TNXB: variants seen among roughly 807,000 people sequenced by gnomAD.
TNXB encodes the protein tenascin XB.
In TNXB, 183 loss-of-function variants were observed where a neutral mutation model predicts 340.5. The observed-to-expected ratio is 0.54, with a 90% CI of 0.48 to 0.61. TNXB has a LOEUF of 0.61. Among genes scored for constraint, TNXB ranks in the 20% least tolerant of loss-of-function variants. The probability of loss-of-function intolerance (pLI) is 0.00; values close to 1 mark genes in which losing one functional copy is unlikely to be tolerated. For missense variants in TNXB, 4,613 were observed against 5,446.4 expected, an observed-to-expected ratio of 0.85 and a Z score of 4.82; for synonymous variants, 2,121 against 2,314.5, an observed-to-expected ratio of 0.92 and a Z score of 2.40.
At position 32,049,231 on chromosome 6, in the gene TNXB, G is replaced by C; in HGVS notation, c.9757+39C>G. 6.3e-7 allele frequency: 1 copy of C among 1,586,386 alleles called. No homozygotes were observed. Among genetic ancestry groups the C allele is most frequent in the Non-Finnish European group, 8.6e-7 (1 of 1,164,122 alleles). On this transcript the variant is annotated intron_variant, in intron 28 of 43. Transcript: ENST00000644971. This position sits in a 1 kb window ranked among gnomAD's most constrained non-coding sequence, Gnocchi z 4.5. The stretch of plus-strand genomic sequence containing the variant: ...AAAGGAGAAACACAAGGGGGCTGCA[G>C]AGGTAAACCTGGGGACGAGGGCCTG...
chr6:32,067,514 T>C lies in TNXB; in HGVS notation c.6544+147A>G. The stretch of plus-strand genomic sequence containing the variant: ...ACTTCTCCTGGATTTGCTCTCTCTG[T>C]CCCCAGATCACACCTGTCCTGAGCC... On this transcript the variant is annotated intron_variant, in intron 18 of 43. Coordinates refer to ENST00000644971, the MANE Select transcript of TNXB (RefSeq NM_001365276.2). This position sits in a 1 kb window ranked among gnomAD's most constrained non-coding sequence, Gnocchi z 4.2. 1 of 1,179,482 alleles carries C rather than the reference T, an allele frequency of 8.5e-7. No individual in the cohort carries two copies. The allele number at this position is 1,179,482 out of a possible 1,614,324, so 73.1% of individuals were successfully genotyped here. A position where few individuals can be genotyped will look rare whatever the true frequency, so the allele number is the denominator to read the frequency against.
Position 32,056,688 on chromosome 6 carries a change from C to T in TNXB, c.8041G>A (p.Val2681Ile). The change falls in exon 23 of 44, where the codon GTC becomes ATC. Residue 2681 changes from valine (V) to isoleucine (I), a missense_variant. Coordinates refer to ENST00000644971, the MANE Select transcript of TNXB (RefSeq NM_001365276.2). ...AVRVPGHEDG[V>I]TISGLEPDHK... ...TCTGGCTCCAGGCCTGAGATGGTGA[C>T]CCCGTCCTCGTGCCCCGGCACCCGC... is the stretch of plus-strand genomic sequence containing the variant. The T allele has an allele frequency of 6.2e-7, 1 of 1,613,134 alleles. No individual in the cohort carries two copies. Among genetic ancestry groups the T allele is most frequent in the Non-Finnish European group, 8.5e-7 (1 of 1,179,878 alleles).
In TNXB at chr6:32,047,003, C is replaced by T. The variant is rs548323208; in HGVS notation, c.10325-547G>A. 6.6e-6 allele frequency among the ~76,000 whole-genome samples: 1 copy of T among 152,344 alleles called. No homozygotes were observed. The highest frequency in any genetic ancestry group is 1.9e-4 in the East Asian group (1 of 5,178). On this transcript the variant is annotated intron_variant, in intron 30 of 43. Transcript: ENST00000644971. This position sits in a 1 kb window ranked among gnomAD's most constrained non-coding sequence, Gnocchi z 6.2. ...CCAGCCCCACACTGACCCCACTGGG[C>T]CGGGGCAGCCAGGGTGGGGCAGGGA...
At position 32,107,510 on chromosome 6, in the gene TNXB, G is replaced by A. The variant is rs936473123; in HGVS notation, c.-9+1671C>T. ...AAGCAAAGAATTGGGTGTCTCTTGT[G>A]TCTCCCCTTCACCATTCCCCCTGCC... On this transcript the variant is annotated intron_variant, in intron 1 of 43. Transcript: ENST00000644971. Among the ~76,000 whole-genome samples the A allele has an allele frequency of 5.9e-5, 9 of 151,998 alleles. No individual in the cohort carries two copies. In the East Asian group the frequency reaches 1.7e-3, roughly 29 times the overall value.
In TNXB at chr6:32,072,334, C is replaced by A. The variant is rs1778828758; in HGVS notation, c.4682-36G>T. 2 of 1,550,072 alleles carry A rather than the reference C, an allele frequency of 1.3e-6. No individual in the cohort carries two copies. Among genetic ancestry groups the A allele is most frequent in the Non-Finnish European group, 8.7e-7 (1 of 1,145,910 alleles). ...GGAAGACAAAGAACATGGTTGAGAT[C>A]TCTGAGGGGAGAACCCCTGGGCTTT... On this transcript the variant is annotated intron_variant, in intron 12 of 43. Transcript: ENST00000644971. The surrounding 1 kb of genome is among the most constrained non-coding windows in gnomAD (Gnocchi z 4.4).
Position 32,087,410 on chromosome 6 carries a change from GAGGCCGCC to G in TNXB, c.2780-1300_2780-1293del, listed in dbSNP as rs1452310837. 2 of 472,410 alleles carry G rather than the reference GAGGCCGCC, an allele frequency of 4.2e-6. No individual in the cohort carries two copies. The highest frequency in any genetic ancestry group is 3.9e-5 in the African/African-American group (2 of 50,888). 29.3% of individuals were successfully genotyped at this position (472,410 alleles called of 1,614,324 possible). On this transcript the variant is annotated intron_variant, in intron 6 of 43. Transcript: ENST00000644971. This position sits in a 1 kb window ranked among gnomAD's most constrained non-coding sequence, Gnocchi z 9.0. ...CCGCCGGGGCCCTCTGCAGGCGGCT[GAGGCCGCC>G]AGCGCAGCACCACGCGCTCGAACTG... is the stretch of plus-strand genomic sequence containing the variant.
At position 32,071,977 on chromosome 6, in the gene TNXB, G is replaced by C; in HGVS notation, c.4990+13C>G. ...TGTGGCCTCAGGCTCAGCTGTGTAG[G>C]GGCCCATCTCACCCGTCTTTGCCTC... is the stretch of plus-strand genomic sequence containing the variant. On this transcript the variant is annotated intron_variant, in intron 13 of 43. Transcript: ENST00000644971. The C allele has an allele frequency of 6.3e-7, 1 of 1,582,390 alleles. No homozygotes were observed. The highest frequency in any genetic ancestry group is 8.6e-7 in the Non-Finnish European group (1 of 1,162,298).
intron 6 of TNXB, among the ~76,000 whole-genome samples, chr6:32,086,885 G>C (rs1270704308): frequency 6.6e-6 from 1 of 152,202 alleles, no homozygotes; most frequent in Non-Finnish European, 1.5e-5. Flanking sequence ...GTCAGAACGG[G>C]AATCACTGTT....
chr6:32,095,514 G>A, intron 3 of TNXB, 97 bp downstream of exon 3: 1 of 1,453,468 alleles, frequency 6.9e-7, no homozygotes, highest in Non-Finnish European at 9.4e-7. Flanking sequence ...GGAATGACAT[G>A]CTCTCCCTCC....
chr6:32,092,571 T>C (rs1780122511), intron 4 of TNXB, among the ~76,000 whole-genome samples: 1 of 151,624 alleles, frequency 6.6e-6, no homozygotes, highest in Non-Finnish European at 1.5e-5. Flanking sequence ...GTGTCTGTAA[T>C]CCCAGCTACT....
At chr6:32,101,056 A>G (rs1780693210) in intron 1 of TNXB, among the ~76,000 whole-genome samples, 1 of 132,794 alleles carries the variant, frequency 7.5e-6, no homozygotes, top group African/African-American at 2.7e-5. Context: ...TCAGCCTGAG[A>G]GGAAGAGTGA....
At position 32,083,236 on chromosome 6, in the gene TNXB, G is replaced by A. The variant is rs914377956; in HGVS notation, c.3446-910C>T. Among the ~76,000 whole-genome samples, 1 of 152,096 alleles carries A rather than the reference G, an allele frequency of 6.6e-6. No homozygotes were observed. The highest frequency in any genetic ancestry group is 1.5e-5 in the Non-Finnish European group (1 of 68,020). ...TCTGCCCCTCCCTGCAAGTCACTCC[G>A]CAAGCTACCCTGTGGGCTCTTCTTC... On this transcript the variant is annotated intron_variant, in intron 8 of 43. Coordinates refer to ENST00000644971, the MANE Select transcript of TNXB (RefSeq NM_001365276.2). The surrounding 1 kb of genome is among the most constrained non-coding windows in gnomAD (Gnocchi z 4.6).
rs930177200 is a variant in TNXB, at chr6:32,085,334, G to A, written c.3148+416C>T. Reference sequence around the variant, plus strand: ...CAGGCTCCCAGGGACGAGGTATTGGGGGCTGAGGGTCAGTGTCCAGAGGCC... The same window carrying A: ...CAGGCTCCCAGGGACGAGGTATTGGAGGCTGAGGGTCAGTGTCCAGAGGCC... On this transcript the variant is annotated intron_variant, in intron 7 of 43. Coordinates refer to ENST00000644971, the MANE Select transcript of TNXB (RefSeq NM_001365276.2). This position sits in a 1 kb window ranked among gnomAD's most constrained non-coding sequence, Gnocchi z 6.4. Among the ~76,000 whole-genome samples, 1 of 152,120 alleles carries A rather than the reference G, an allele frequency of 6.6e-6. No individual in the cohort carries two copies. The highest frequency in any genetic ancestry group is 1.5e-5 in the Non-Finnish European group (1 of 68,018).
In TNXB at chr6:32,085,920, A is replaced by G; in HGVS notation, c.2978T>C (p.Leu993Pro). ...AQPDTFAYFQ[L>P]RMRVPEGPGA... Reference sequence around the variant, plus strand: ...CGGCCCCTCGGGCACCCGCATGCGCAGTTGGAAGTAGGCAAAGGTGTCAGG... The same window carrying G: ...CGGCCCCTCGGGCACCCGCATGCGCGGTTGGAAGTAGGCAAAGGTGTCAGG... Residue 993 changes from leucine (L) to proline (P), a missense_variant, in exon 7 of 44, where the codon CTG (leucine) becomes CCG (proline). Leu to Pro is a moderately conservative substitution (Grantham distance 98, BLOSUM62 -3). This residue lies in a region of TNXB where 4,327 missense variants were observed against 4,859.4 expected (regional missense o/e 0.89). Coordinates refer to ENST00000644971, the MANE Select transcript of TNXB (RefSeq NM_001365276.2). The surrounding 1 kb of genome is among the most constrained non-coding windows in gnomAD (Gnocchi z 6.4). 1.9e-6 allele frequency: 3 copies of G among 1,608,580 alleles called. No individual in the cohort carries two copies. The highest frequency in any genetic ancestry group is 4.5e-5 in the East Asian group (2 of 44,884).
At position 32,080,296 on chromosome 6, in the gene TNXB, C is replaced by T. The variant is rs1235463401; in HGVS notation, c.4043-931G>A. Among the ~76,000 whole-genome samples, 1 of 151,996 alleles carries T rather than the reference C, an allele frequency of 6.6e-6. No homozygotes were observed. Among genetic ancestry groups the T allele is most frequent in the Non-Finnish European group, 1.5e-5 (1 of 67,998 alleles). ...CGCGATCTCGGCTCACTGCAAGCTC[C>T]GCCTCCCGGGTTCACGCCATTCTCC... On this transcript the variant is annotated intron_variant, in intron 10 of 43. Transcript: ENST00000644971. This position sits in a 1 kb window ranked among gnomAD's most constrained non-coding sequence, Gnocchi z 4.3.
chr6:32,096,785 G>A lies in TNXB; in HGVS notation c.1068C>T (p.Arg356=). The change falls in exon 3 of 44, where the codon CGC becomes CGT. Residue 356 remains arginine (R), a synonymous_variant. Transcript: ENST00000644971. The stretch of plus-strand genomic sequence containing the variant: ...CTGTGTACCCGGGCCAGCACACGCA[G>A]CGGCCGTCCACGCAGCGCCCGCCCT... ...CGEGGRCVDG[R]CVCWPGYTGE... 6.4e-7 allele frequency: 1 copy of A among 1,573,766 alleles called. No individual in the cohort carries two copies. Among genetic ancestry groups the A allele is most frequent in the Non-Finnish European group, 8.6e-7 (1 of 1,161,350 alleles).
At position 32,043,504 on chromosome 6, in the gene TNXB, G is replaced by A. The variant is rs766037719; in HGVS notation, c.11583C>T (p.Ala3861=). Residue 3861 remains alanine (A), a synonymous_variant, in exon 36 of 44, where the codon GCC becomes GCT. Transcript: ENST00000644971. ...LRALNLTEGF[A]VLHWKPPQNP... Reference sequence around the variant, plus strand: ...TCTGGGGGGGCTTCCAGTGCAGCACGGCGAATCCCTCGGTCAAGTTCAGTG... The same window carrying A: ...TCTGGGGGGGCTTCCAGTGCAGCACAGCGAATCCCTCGGTCAAGTTCAGTG... 3 of 721,374 alleles carry A rather than the reference G, an allele frequency of 4.2e-6. No individual in the cohort carries two copies. Among genetic ancestry groups the A allele is most frequent in the East Asian group, 2.7e-5 (1 of 36,496 alleles). 44.7% of individuals were successfully genotyped at this position (721,374 alleles called of 1,614,324 possible). A position where few individuals can be genotyped will look rare whatever the true frequency, so the allele number is the denominator to read the frequency against.
At position 32,084,651 on chromosome 6, in the gene TNXB, C is replaced by T. The variant is rs374738154; in HGVS notation, c.3207G>A (p.Thr1069=). Residue 1069 remains threonine, a synonymous_variant, in exon 8 of 44, where the codon ACG becomes ACA. Transcript: ENST00000644971. This position sits in a 1 kb window ranked among gnomAD's most constrained non-coding sequence, Gnocchi z 5.5. ...SSGPPRLGEL[T]VTDRTSDSLL... is the part of the protein sequence containing the mutation. ...AGGAGTCGGAGGTCCTGTCTGTCAC[C>T]GTCAGCTCACCCAGGCGTGGTGGGC... 24 of 1,597,476 alleles carry T rather than the reference C, an allele frequency of 1.5e-5. No homozygotes were observed. The African/African-American group carries it at 1.7e-4, about 12-fold the overall frequency.
chr6:32,066,300 G>T (rs1191529583), intron 18 of TNXB, among the ~76,000 whole-genome samples: 10 of 152,130 alleles, frequency 6.6e-5, no homozygotes, highest in Admixed American at 6.5e-4. Context: ...GGGCTGAGAT[G>T]GGAGGATGGC....
Sources: allele counts gnomAD v4.1 joint callset (sites outside exome capture counted in the v4.1 genomes callset), GRCh38; gene constraint gnomAD v4.1.1; regional missense constraint gnomAD v4.1.1; non-coding constraint Gnocchi (gnomAD v3.1); transcripts MANE v1.5; gene names NCBI Gene and HGNC (gene_info 2026-07-23, HGNC 2026-07-21).